The following ETFA variants were observed in gnomAD, a reference collection of about 807,000 sequenced individuals.
The protein encoded by ETFA is electron transfer flavoprotein subunit alpha.
ETFA carries 22 observed loss-of-function variants against 46.2 expected under a neutral mutation model. The observed-to-expected ratio is 0.48, with a 90% CI of 0.34 to 0.68. ETFA has a LOEUF of 0.68. Among genes scored for constraint, ETFA ranks in the 30% least tolerant of loss-of-function variants. The probability of loss-of-function intolerance (pLI) is 0.01; values close to 1 mark genes in which losing one functional copy is unlikely to be tolerated. For missense variants in ETFA, 345 were observed against 401.1 expected (o/e 0.86, Z 1.19); for synonymous variants, 131 against 139.9 (o/e 0.94, Z 0.45).
At chr15:76,220,736 C>A (rs2038948682) in intron 11 of ETFA, among the ~76,000 whole-genome samples, 1 of 152,152 alleles carries the variant, frequency 6.6e-6, no homozygotes, top group Admixed American at 6.5e-5. Flanking sequence ...TACTAAATGT[C>A]ATTTGCCATC....
At chr15:76,285,868 T>C (rs1335009618) in intron 6 of ETFA, 130 bp from the exon 7 acceptor site, 1 of 687,642 alleles carries the variant, frequency 1.5e-6, no homozygotes, top group African/African-American at 1.8e-5. Flanking sequence ...TTTTCAGTGC[T>C]CCTAATTAAT....
chr15:76,269,224 G>T (rs543742975), intron 9 of ETFA, among the ~76,000 whole-genome samples: 12 of 152,182 alleles, frequency 7.9e-5, no homozygotes, highest in Middle Eastern at 3.2e-3. Flanking sequence ...AAAAGAAAAG[G>T]GGGGCATGTT....
chr15:76,280,965 G>A, intron 8 of ETFA, among the ~76,000 whole-genome samples: 1 of 142,236 alleles, frequency 7.0e-6, no homozygotes, highest in East Asian at 2.1e-4. Flanking sequence ...ACCCAGGCCG[G>A]AGTACAGTGG....
At chr15:76,284,907 G>A (rs1301766250) in intron 7 of ETFA, 5 of 404,796 alleles carry the variant, frequency 1.2e-5, no homozygotes, top group African/African-American at 2.2e-5. Context: ...TCCAGCCTAG[G>A]CAACAAGAGC....
rs3866542 is a variant in ETFA, at chr15:76,271,914, TACAC to T, written c.816+2494_816+2497del. Among the ~76,000 whole-genome samples, 1,148 of 148,642 alleles carry T rather than the reference TACAC, an allele frequency of 7.7e-3. 11 individuals carry two copies. The highest frequency in any genetic ancestry group is 0.019 in the African/African-American group (760 of 40,540). On this transcript the variant is annotated intron_variant, in intron 9 of 11. Coordinates refer to ENST00000557943, the MANE Select transcript of ETFA (RefSeq NM_000126.4). ...ATATATGCGTATATGTGTGTGTATA[TACAC>T]ACACACACACACACACACACACCCT...
At chr15:76,247,699 G>A (rs2039256888) in intron 9 of ETFA, among the ~76,000 whole-genome samples, 3 of 152,146 alleles carry the variant, frequency 2.0e-5, no homozygotes, top group Non-Finnish European at 4.4e-5. Context: ...TATGGTACGT[G>A]TTTGGAGCAG....
At chr15:76,248,701 C>T (rs1470592166) in intron 9 of ETFA, among the ~76,000 whole-genome samples, 1 of 151,580 alleles carries the variant, frequency 6.6e-6, no homozygotes. Flanking sequence ...ATGGTGAAAC[C>T]CCATCTCCAC....
chr15:76,309,549 A>G (rs754461163), intron 1 of ETFA, among the ~76,000 whole-genome samples: 7 of 152,264 alleles, frequency 4.6e-5, no homozygotes, highest in Non-Finnish European at 8.8e-5. Flanking sequence ...GCAAACCACA[A>G]TGAATATCTG....
intron 9 of ETFA, among the ~76,000 whole-genome samples, chr15:76,263,447 G>C (rs918397655): frequency 6.6e-6 from 1 of 152,218 alleles, no homozygotes; most frequent in African/African-American, 2.4e-5. Context: ...TGAGGAAGCT[G>C]AGCGCTTGGA....
At chr15:76,260,704 C>A (rs2039401215) in intron 9 of ETFA, 1 of 1,604,740 alleles carries the variant, frequency 6.2e-7, no homozygotes, top group Non-Finnish European at 8.5e-7. Context: ...AGGCCTGAAT[C>A]TGTGTGGATG....
chr15:76,217,539 G>A (rs1044153096), intron 11 of ETFA: 2 of 433,816 alleles, frequency 4.6e-6, no homozygotes, highest in Non-Finnish European at 9.5e-6. Flanking sequence ...ACAGCAAGGG[G>A]AAATGGCCTG....
chr15:76,262,366 C>T (rs2039423302), intron 9 of ETFA, among the ~76,000 whole-genome samples: 1 of 151,080 alleles, frequency 6.6e-6, no homozygotes, highest in Admixed American at 6.6e-5. Context: ...TAACATAAAA[C>T]GTCCCAAATG....
intron 9 of ETFA, among the ~76,000 whole-genome samples, chr15:76,267,924 G>A (rs34893715): frequency 0.41 from 62,044 of 151,982 alleles, 15,176 homozygotes; most frequent in Middle Eastern, 0.56. Flanking sequence ...CTGTGTGGGT[G>A]CCCACCAAAC....
intron 9 of ETFA, chr15:76,259,050 G>A: frequency 8.7e-6 from 14 of 1,604,706 alleles, no homozygotes; most frequent in South Asian, 2.2e-5. Context: ...CTCATTGAGG[G>A]GACTCTCTGG....
chr15:76,227,894 G>C (rs1324217345), intron 10 of ETFA: 1 of 455,950 alleles, frequency 2.2e-6, no homozygotes, highest in African/African-American at 2.0e-5. Flanking sequence ...TATAGTCCAG[G>C]TAACTGCTAA....
intron 9 of ETFA, among the ~76,000 whole-genome samples, chr15:76,271,557 A>G (rs1302151924): frequency 2.0e-5 from 3 of 152,232 alleles, no homozygotes; most frequent in East Asian, 1.9e-4. Context: ...TTAAAATGTA[A>G]TATGTGACTC....
Position 76,276,597 on chromosome 15 carries a change from A to G in ETFA, c.734-2103T>C, listed in dbSNP as rs562888751. 1.3e-4 allele frequency among the ~76,000 whole-genome samples: 20 copies of G among 151,966 alleles called. No homozygotes were observed. In the South Asian group the frequency reaches 3.7e-3, roughly 28 times the overall value. On this transcript the variant is annotated intron_variant, in intron 8 of 11. Coordinates refer to ENST00000557943, the MANE Select transcript of ETFA (RefSeq NM_000126.4). ...TTAGAAGCTGTTCCACAATTCTTAGATATTATATTACAGTTCAGGTTTTTT... is the reference window on the plus strand; with the variant it reads ...TTAGAAGCTGTTCCACAATTCTTAGGTATTATATTACAGTTCAGGTTTTTT...
At chr15:76,240,722 T>G (rs1487379799) in intron 9 of ETFA, among the ~76,000 whole-genome samples, 2 of 152,098 alleles carry the variant, frequency 1.3e-5, no homozygotes, top group African/African-American at 4.8e-5. Flanking sequence ...GAAACAAGTT[T>G]TTTTTTTCTT....
At chr15:76,226,833 C>T (rs891399100) in intron 10 of ETFA, among the ~76,000 whole-genome samples, 10 of 152,132 alleles carry the variant, frequency 6.6e-5, no homozygotes, top group African/African-American at 2.2e-4. Flanking sequence ...GAGCCGAGAT[C>T]GCGCCACTGC....
Sources: allele counts gnomAD v4.1 joint callset (sites outside exome capture counted in the v4.1 genomes callset), GRCh38; gene constraint gnomAD v4.1.1; transcripts MANE v1.5; gene names NCBI Gene and HGNC (gene_info 2026-07-23, HGNC 2026-07-21).